The following SH3GL2 variants were observed in gnomAD, a reference collection of about 807,000 sequenced individuals.
The protein encoded by SH3GL2 is endophilin-A1.
SH3GL2 carries 24 observed loss-of-function variants against 46.0 expected under a neutral mutation model. That is an observed-to-expected ratio of 0.52 (90% CI 0.38 to 0.73). The LOEUF (loss-of-function observed/expected upper bound fraction) is 0.73. SH3GL2 is among the 30% of genes least tolerant of loss of function. SH3GL2 has a pLI of 0.00. For synonymous variants in SH3GL2, 196 were observed against 147.1 expected, an observed-to-expected ratio of 1.33 and a Z score of -2.40; for missense variants, 413 against 424.2, an observed-to-expected ratio of 0.97 and a Z score of 0.23.
At chr9:17,623,422 G>A (rs1003184460) in intron 1 of SH3GL2, among the ~76,000 whole-genome samples, 2 of 152,038 alleles carry the variant, frequency 1.3e-5, no homozygotes, top group Non-Finnish European at 2.9e-5. Flanking sequence ...TGTAGACTGA[G>A]AACAAAATGA....
At chr9:17,658,729 C>G (rs1235750262) in intron 1 of SH3GL2, among the ~76,000 whole-genome samples, 1 of 152,140 alleles carries the variant, frequency 6.6e-6, no homozygotes, top group African/African-American at 2.4e-5. Flanking sequence ...TGGAAATAAA[C>G]CCTAGCTAAT....
chr9:17,789,310 A>T, intron 5 of SH3GL2, 82 bp from the exon 6 acceptor site: 1 of 1,114,220 alleles, frequency 9.0e-7, no homozygotes, highest in Non-Finnish European at 1.3e-6. Flanking sequence ...TTGGAAGTTA[A>T]TGGACGTGAT....
At chr9:17,774,316 G>C (rs1563849067) in intron 3 of SH3GL2, among the ~76,000 whole-genome samples, 2 of 152,056 alleles carry the variant, frequency 1.3e-5, no homozygotes, top group Non-Finnish European at 2.9e-5. Flanking sequence ...AGAACTTTCA[G>C]TACTGTGTTG....
At chr9:17,583,336 C>T (rs550075097) in intron 1 of SH3GL2, among the ~76,000 whole-genome samples, 1 of 152,012 alleles carries the variant, frequency 6.6e-6, no homozygotes, top group South Asian at 2.1e-4. Flanking sequence ...AGAAATGGGG[C>T]CTTTAGGAGG....
intron 1 of SH3GL2, among the ~76,000 whole-genome samples, chr9:17,731,098 G>C (rs902692776): frequency 6.6e-6 from 1 of 152,114 alleles, no homozygotes; most frequent in Non-Finnish European, 1.5e-5. Flanking sequence ...TATAGTCCTT[G>C]TGGCAGGAAT....
intron 1 of SH3GL2, among the ~76,000 whole-genome samples, chr9:17,745,131 T>C (rs534893006): frequency 7.2e-5 from 11 of 152,326 alleles, no homozygotes; most frequent in African/African-American, 2.6e-4. Flanking sequence ...ATCTTCAATG[T>C]AGTAATAATA....
chr9:17,671,664 C>T (rs1820478659), intron 1 of SH3GL2, among the ~76,000 whole-genome samples: 1 of 152,074 alleles, frequency 6.6e-6, no homozygotes, highest in South Asian at 2.1e-4. Flanking sequence ...AAAACAAAAA[C>T]GAAAAAAGCC....
At chr9:17,761,159 AC>A (rs371578990) in intron 2 of SH3GL2, among the ~76,000 whole-genome samples, 1,628 of 152,268 alleles carry the variant, frequency 0.011, 18 homozygotes, top group Middle Eastern at 0.027. Context: ...CATTTTATTC[AC>A]CTTATTTTCA....
intron 3 of SH3GL2, among the ~76,000 whole-genome samples, chr9:17,768,370 CA>C (rs34891273): frequency 0.1 from 6,938 of 67,264 alleles, 90 homozygotes; most frequent in African/African-American, 0.15. Flanking sequence ...GACTCTGTCT[CA>C]AAAAAAAAAA....
At chr9:17,780,501 C>G (rs946579093) in intron 3 of SH3GL2, among the ~76,000 whole-genome samples, 5 of 143,784 alleles carry the variant, frequency 3.5e-5, no homozygotes, top group Non-Finnish European at 6.1e-5. Flanking sequence ...TTATTATACT[C>G]TAAGTTTTAG....
chr9:17,612,185 A>C (rs1818882534), intron 1 of SH3GL2, among the ~76,000 whole-genome samples: 1 of 152,158 alleles, frequency 6.6e-6, no homozygotes, highest in East Asian at 1.9e-4. Flanking sequence ...AGTTCTGTGC[A>C]CAGAAGGAAC....
chr9:17,597,200 CT>C (rs1818588790), intron 1 of SH3GL2, among the ~76,000 whole-genome samples: 1 of 152,154 alleles, frequency 6.6e-6, no homozygotes, highest in Non-Finnish European at 1.5e-5. Flanking sequence ...GGTTTTGGTC[CT>C]TTTAAAGTAG....
intron 1 of SH3GL2, among the ~76,000 whole-genome samples, chr9:17,673,889 T>C (rs1247593050): frequency 1.3e-5 from 2 of 152,194 alleles, no homozygotes; most frequent in South Asian, 2.1e-4. Flanking sequence ...ATTATGTCAA[T>C]TGACTCTACC....
rs761296369 is a variant in SH3GL2 at position 17,579,202 on chromosome 9, C to T, written c.-41C>T. 11 of 1,490,036 alleles carry T rather than the reference C, an allele frequency of 7.4e-6. No homozygotes were observed. The highest frequency in any genetic ancestry group is 9.9e-6 in the Non-Finnish European group (11 of 1,109,108). The allele number at this position is 1,490,036 out of a possible 1,614,324, so 92.3% of individuals were successfully genotyped here. On this transcript the variant is annotated 5_prime_UTR_variant, in exon 1 of 9. Transcript: ENST00000380607. ...CGGCCCTCCAGTCCCCCTCCGCCTC[C>T]TCCCTCCCGCACAGCAGCCGCCAGC...
chr9:17,622,219 G>T (rs1214043649), intron 1 of SH3GL2, among the ~76,000 whole-genome samples: 1 of 151,932 alleles, frequency 6.6e-6, no homozygotes, highest in African/African-American at 2.4e-5. Context: ...TGCCAGGGTG[G>T]TACATTAAAA....
chr9:17,757,823 A>G (rs968522187), intron 2 of SH3GL2, among the ~76,000 whole-genome samples: 26 of 152,188 alleles, frequency 1.7e-4, no homozygotes, highest in African/African-American at 6.3e-4. Flanking sequence ...GCCTGTTACT[A>G]AGAGAATATG....
chr9:17,583,115 G>T (rs945016319), intron 1 of SH3GL2, among the ~76,000 whole-genome samples: 2 of 152,078 alleles, frequency 1.3e-5, no homozygotes, highest in Non-Finnish European at 2.9e-5. Context: ...CATAACAGTC[G>T]TTATTTGCAT....
intron 1 of SH3GL2, among the ~76,000 whole-genome samples, chr9:17,735,266 G>C (rs1822298248): frequency 6.6e-6 from 1 of 152,108 alleles, no homozygotes; most frequent in Non-Finnish European, 1.5e-5. Flanking sequence ...AGAATTAAGA[G>C]AAAAGGAAGC....
Position 17,787,251 on chromosome 9 carries a change from A to G in SH3GL2, c.332-129A>G, listed in dbSNP as rs542330937. On this transcript the variant is annotated intron_variant, in intron 4 of 8. Transcript: ENST00000380607. ...TGCCTGGAGTGAACTGAAGATACCT[A>G]TTCTCTCTTGTCTGTTGTCTTTAGA... 3.6e-4 allele frequency: 252 copies of G among 708,006 alleles called. 1 individual carries two copies. The highest frequency in any genetic ancestry group is 5.4e-4 in the Non-Finnish European group (222 of 411,076). 43.9% of individuals were successfully genotyped at this position (708,006 alleles called of 1,614,324 possible).
Sources: allele counts gnomAD v4.1 joint callset (sites outside exome capture counted in the v4.1 genomes callset), GRCh38; gene constraint gnomAD v4.1.1; transcripts MANE v1.5; gene names NCBI Gene and HGNC (gene_info 2026-07-23, HGNC 2026-07-21).